CDK14: variants seen among roughly 807,000 people sequenced by gnomAD.
CDK14 encodes cyclin-dependent kinase 14.
In CDK14, 34 loss-of-function variants were observed where a neutral mutation model predicts 60.7. The observed-to-expected ratio is 0.56, with a 90% CI of 0.43 to 0.75. CDK14 has a LOEUF of 0.75. Ranked by LOEUF, CDK14 falls within the 30% of genes least tolerant of loss-of-function variation. The pLI is 0.00. For synonymous variants in CDK14, 197 were observed against 203.7 expected, an observed-to-expected ratio of 0.97 and a Z score of 0.28; for missense variants, 482 against 564.1, an observed-to-expected ratio of 0.85 and a Z score of 1.47.
At chr7:90,780,881 A>C (rs1305459596) in intron 4 of CDK14, among the ~76,000 whole-genome samples, 1 of 151,930 alleles carries the variant, frequency 6.6e-6, no homozygotes, top group African/African-American at 2.4e-5. Context: ...ATGTGTCTTT[A>C]TAGTAGCATG....
intron 11 of CDK14, among the ~76,000 whole-genome samples, chr7:91,058,260 T>A (rs2116095007): frequency 6.6e-6 from 1 of 152,146 alleles, no homozygotes; most frequent in East Asian, 1.9e-4. Flanking sequence ...TGATTTTGTA[T>A]CCTGAGACTT....
chr7:90,707,598 G>A (rs1801926650), intron 2 of CDK14, among the ~76,000 whole-genome samples: 1 of 152,168 alleles, frequency 6.6e-6, no homozygotes, highest in Non-Finnish European at 1.5e-5. Flanking sequence ...CAACTTTTTA[G>A]CATGGCTTAC....
chr7:90,650,180 G>A (rs983436410), intron 2 of CDK14, among the ~76,000 whole-genome samples: 5 of 152,132 alleles, frequency 3.3e-5, no homozygotes, highest in African/African-American at 1.2e-4. Context: ...ATCTCATTGT[G>A]GTTTTGATTT....
rs144726698 is a variant in CDK14 at position 90,831,030 on chromosome 7, C to T, written c.545-32145C>T. ...TAGGAAATTCCTAGCTTTCACGCAA[C>T]TTTCTGTCTTCTGAGCCTTCCAAAC... On this transcript the variant is annotated intron_variant, in intron 5 of 14. Transcript: ENST00000380050. 4.7e-4 allele frequency among the ~76,000 whole-genome samples: 72 copies of T among 152,318 alleles called. 1 individual carries two copies. In the East Asian group the frequency reaches 0.011, roughly 22 times the overall value.
At chr7:90,689,385 A>AG (rs1213790566) in intron 2 of CDK14, among the ~76,000 whole-genome samples, 2 of 152,154 alleles carry the variant, frequency 1.3e-5, no homozygotes, top group Non-Finnish European at 2.9e-5. Flanking sequence ...TATGGACTGA[A>AG]GGGCTATTCA....
At chr7:91,201,528 G>A (rs1802725088) in intron 14 of CDK14, among the ~76,000 whole-genome samples, 2 of 150,134 alleles carry the variant, frequency 1.3e-5, no homozygotes, top group African/African-American at 4.9e-5. Context: ...CAATGCAGCA[G>A]GAAAAAAAAA....
chr7:91,182,461 G>A (rs1284952324), intron 14 of CDK14, among the ~76,000 whole-genome samples: 1 of 151,592 alleles, frequency 6.6e-6, no homozygotes, highest in East Asian at 1.9e-4. Context: ...ATAAAATAAG[G>A]TTTATTCAAA....
chr7:91,104,024 A>G (rs982713697), intron 12 of CDK14, among the ~76,000 whole-genome samples: 2 of 152,142 alleles, frequency 1.3e-5, no homozygotes, highest in Non-Finnish European at 2.9e-5. Flanking sequence ...TTCAGTAGGG[A>G]TTGTTTATGT....
intron 4 of CDK14, among the ~76,000 whole-genome samples, chr7:90,777,170 G>A (rs1805085183): frequency 6.6e-6 from 1 of 152,088 alleles, no homozygotes; most frequent in Non-Finnish European, 1.5e-5. Flanking sequence ...GTAGATAAGA[G>A]GATCATAGGC....
intron 2 of CDK14, among the ~76,000 whole-genome samples, chr7:90,699,853 A>AT (rs2116611135): frequency 6.6e-6 from 1 of 152,276 alleles, no homozygotes; most frequent in African/African-American, 2.4e-5. Flanking sequence ...TTCCTAAATG[A>AT]TTAAGAGAAA....
At chr7:90,775,572 C>T (rs559522406) in intron 4 of CDK14, among the ~76,000 whole-genome samples, 141 of 150,914 alleles carry the variant, frequency 9.3e-4, no homozygotes, top group Middle Eastern at 3.4e-3. Context: ...TGTGTTTCTC[C>T]AGACAAGTGT....
At chr7:90,809,411 C>A (rs1033303428) in intron 5 of CDK14, among the ~76,000 whole-genome samples, 1 of 152,070 alleles carries the variant, frequency 6.6e-6, no homozygotes, top group Non-Finnish European at 1.5e-5. Context: ...TAAAGATGTT[C>A]TTTGAAACCA....
intron 2 of CDK14, among the ~76,000 whole-genome samples, chr7:90,721,930 C>T (rs571294634): frequency 3.3e-4 from 50 of 152,246 alleles, no homozygotes; most frequent in Admixed American, 8.5e-4. Flanking sequence ...ATTCAGATTG[C>T]TGACAAGTTA....
At chr7:90,816,900 C>T (rs1789377160) in intron 5 of CDK14, among the ~76,000 whole-genome samples, 1 of 152,074 alleles carries the variant, frequency 6.6e-6, no homozygotes, top group African/African-American at 2.4e-5. Context: ...CAAGTGAGTC[C>T]TAGAGCGAGT....
chr7:90,895,369 CCCTCCCCTCTCCTCT>C (rs1792276598), intron 6 of CDK14, among the ~76,000 whole-genome samples: 1 of 3,784 alleles, frequency 2.6e-4, no homozygotes, highest in Non-Finnish European at 4.8e-4. Context: ...ACCTCTCCTC[CCCTCCCCTCTCCTCT>C]CCTCTCCTCT....
intron 5 of CDK14, among the ~76,000 whole-genome samples, chr7:90,848,719 T>G (rs1310841412): frequency 6.6e-6 from 1 of 152,172 alleles, no homozygotes; most frequent in Non-Finnish European, 1.5e-5. Context: ...TCAAATGGGC[T>G]AAATGTCTTT....
chr7:91,192,809 A>T (rs1027908675), intron 14 of CDK14, among the ~76,000 whole-genome samples: 3 of 152,140 alleles, frequency 2.0e-5, no homozygotes, highest in African/African-American at 7.2e-5. Flanking sequence ...AAAGTGAGGG[A>T]TTGTATTTAG....
At chr7:90,757,740 T>C (rs909155946) in intron 4 of CDK14, among the ~76,000 whole-genome samples, 4 of 152,106 alleles carry the variant, frequency 2.6e-5, no homozygotes, top group East Asian at 1.9e-4. Context: ...TAGCTGGGAC[T>C]ACAGGCACGT....
At chr7:91,140,429 A>C (rs1800420691) in intron 14 of CDK14, among the ~76,000 whole-genome samples, 1 of 152,202 alleles carries the variant, frequency 6.6e-6, no homozygotes, top group Admixed American at 6.5e-5. Flanking sequence ...CTGTTTGAGA[A>C]AAGATGTGAA....
Sources: gnomAD v4.1 joint callset for allele counts (sites outside exome capture counted in the v4.1 genomes callset) on GRCh38, gnomAD v4.1.1 for gene constraint, MANE v1.5 for transcripts, NCBI Gene and HGNC (gene_info 2026-07-23, HGNC 2026-07-21) for gene names.